The following PALLD variants were observed in gnomAD, a reference collection of about 807,000 sequenced individuals.
The protein encoded by PALLD is palladin.
In PALLD, 61 loss-of-function variants were observed where a neutral mutation model predicts 123.5. That is an observed-to-expected ratio of 0.49 (90% CI 0.40 to 0.61). The LOEUF (loss-of-function observed/expected upper bound fraction) is 0.61. Among genes scored for constraint, PALLD ranks in the 20% least tolerant of loss-of-function variants. The pLI is 0.00. For synonymous variants in PALLD, 465 were observed against 496.4 expected, an observed-to-expected ratio of 0.94 and a Z score of 0.84; for missense variants, 1,273 against 1,377.0, an observed-to-expected ratio of 0.92 and a Z score of 1.20.
intron 10 of PALLD, among the ~76,000 whole-genome samples, chr4:168,780,203 T>C (rs1466020585): frequency 6.6e-6 from 1 of 152,178 alleles, no homozygotes; most frequent in African/African-American, 2.4e-5. Context: ...CTGGTCTCAC[T>C]ACGTTACATT....
At chr4:168,794,097 T>G (rs1289003189) in intron 10 of PALLD, among the ~76,000 whole-genome samples, 9 of 152,100 alleles carry the variant, frequency 5.9e-5, no homozygotes, top group Non-Finnish European at 1.3e-4. Context: ...GGAACCCCTT[T>G]TCCAGGGGTT....
chr4:168,538,539 A>G (rs1765302824), intron 2 of PALLD, among the ~76,000 whole-genome samples: 1 of 152,118 alleles, frequency 6.6e-6, no homozygotes, highest in Non-Finnish European at 1.5e-5. Context: ...TGTTTTTCAA[A>G]TGACCTTATG....
At chr4:168,855,487 A>G (rs1008138598) in intron 10 of PALLD, among the ~76,000 whole-genome samples, 1 of 152,224 alleles carries the variant, frequency 6.6e-6, no homozygotes, top group Non-Finnish European at 1.5e-5. Context: ...TTTTTTAATT[A>G]AGGCTTTCTT....
At chr4:168,924,164 C>A in intron 18 of PALLD, 91 bp from the exon 19 acceptor site, 1 of 1,104,468 alleles carries the variant, frequency 9.1e-7, no homozygotes, top group Non-Finnish European at 1.4e-6. Context: ...CATAAAAGAT[C>A]TATTCAAGCA....
intron 10 of PALLD, among the ~76,000 whole-genome samples, chr4:168,877,564 C>G (rs1751920543): frequency 6.6e-6 from 1 of 152,238 alleles, no homozygotes; most frequent in African/African-American, 2.4e-5. Context: ...GAATGAACTG[C>G]TGGCCCCACA....
At chr4:168,774,345 T>C (rs1734867730) in intron 10 of PALLD, among the ~76,000 whole-genome samples, 1 of 152,122 alleles carries the variant, frequency 6.6e-6, no homozygotes, top group African/African-American at 2.4e-5. Flanking sequence ...GTATAATTGC[T>C]ATATATAAGA....
chr4:168,796,239 T>C (rs937576253), intron 10 of PALLD, among the ~76,000 whole-genome samples: 2 of 152,336 alleles, frequency 1.3e-5, no homozygotes, highest in African/African-American at 4.8e-5. Context: ...TTAGTATTTA[T>C]GGAGACAGGG....
intron 10 of PALLD, among the ~76,000 whole-genome samples, chr4:168,773,298 T>C (rs1734705202): frequency 6.6e-6 from 1 of 152,166 alleles, no homozygotes; most frequent in East Asian, 1.9e-4. Context: ...AAGTCCAAAA[T>C]GGAAACACAC....
At chr4:168,777,143 G>A (rs1735276656) in intron 10 of PALLD, among the ~76,000 whole-genome samples, 1 of 151,946 alleles carries the variant, frequency 6.6e-6, no homozygotes, top group Admixed American at 6.6e-5. Flanking sequence ...ACATGGTGAG[G>A]TCCTGACTGA....
chr4:168,812,536 T>C (rs1741319227), intron 10 of PALLD, among the ~76,000 whole-genome samples: 1 of 152,124 alleles, frequency 6.6e-6, no homozygotes, highest in Non-Finnish European at 1.5e-5. Flanking sequence ...GCAATCTGAG[T>C]CATGGCCAGA....
chr4:168,646,263 T>C (rs1300083629), intron 2 of PALLD, among the ~76,000 whole-genome samples: 1 of 152,150 alleles, frequency 6.6e-6, no homozygotes, highest in Non-Finnish European at 1.5e-5. Flanking sequence ...TGAGGAGAGC[T>C]GGGAGGTGAT....
At chr4:168,710,001 C>CTGG (rs1784680398) in intron 9 of PALLD, among the ~76,000 whole-genome samples, 1 of 152,064 alleles carries the variant, frequency 6.6e-6, no homozygotes, top group Non-Finnish European at 1.5e-5. Flanking sequence ...GATACTTGTA[C>CTGG]AAATAAGCCA....
chr4:168,656,511 A>G (rs923810083), intron 2 of PALLD, among the ~76,000 whole-genome samples: 2 of 152,194 alleles, frequency 1.3e-5, no homozygotes, highest in African/African-American at 4.8e-5. Context: ...ACATTTGCAA[A>G]AAGCCATAAT....
chr4:168,774,097 T>A (rs547628203), intron 10 of PALLD, among the ~76,000 whole-genome samples: 273 of 149,102 alleles, frequency 1.8e-3, no homozygotes, highest in African/African-American at 6.3e-3. Context: ...TTAAAAAAAA[T>A]ATATATATCC....
At chr4:168,675,436 G>A (rs1355272465) in intron 3 of PALLD, among the ~76,000 whole-genome samples, 1 of 152,224 alleles carries the variant, frequency 6.6e-6, no homozygotes, top group Non-Finnish European at 1.5e-5. Context: ...TAATCACATA[G>A]GGTAAAGCCC....
intron 2 of PALLD, among the ~76,000 whole-genome samples, chr4:168,619,372 C>T (rs137872959): frequency 6.6e-6 from 1 of 152,318 alleles, no homozygotes; most frequent in Non-Finnish European, 1.5e-5. Flanking sequence ...AAGCAGCAGC[C>T]AGGTCATTTG....
chr4:168,567,426 C>T (rs944228765), intron 2 of PALLD, among the ~76,000 whole-genome samples: 2 of 151,694 alleles, frequency 1.3e-5, no homozygotes, highest in African/African-American at 4.8e-5. Context: ...AAATGCTCAA[C>T]ATTACTAATC....
chr4:168,711,551 T>C, intron 9 of PALLD, 30 bp from the exon 10 acceptor site: 4 of 1,480,490 alleles, frequency 2.7e-6, no homozygotes, highest in Non-Finnish European at 3.8e-6. Flanking sequence ...GGCATCTTCT[T>C]ATGTTTTTCC....
intron 2 of PALLD, among the ~76,000 whole-genome samples, chr4:168,542,685 A>G (rs1354641648): frequency 8.6e-6 from 1 of 116,918 alleles, no homozygotes; most frequent in Non-Finnish European, 1.7e-5. Flanking sequence ...ATATATATAT[A>G]TGGTTTACAT....
Sources: gnomAD v4.1 joint callset for allele counts (sites outside exome capture counted in the v4.1 genomes callset) on GRCh38, gnomAD v4.1.1 for gene constraint, MANE v1.5 for transcripts, NCBI Gene and HGNC (gene_info 2026-07-23, HGNC 2026-07-21) for gene names.